Variants in COL11A1 observed in about 807,000 individuals in gnomAD.
COL11A1 encodes the protein collagen alpha-1(XI) chain.
COL11A1 carries 74 observed loss-of-function variants against 265.2 expected under a neutral mutation model. The ratio of observed to expected loss-of-function variants is 0.28; its 90% CI spans 0.23 to 0.34. COL11A1 has a LOEUF of 0.34. Ranked by LOEUF, COL11A1 falls within the 10% of genes least tolerant of loss-of-function variation. COL11A1 has a pLI of 1.00. For synonymous variants in COL11A1, 816 were observed against 727.6 expected, an observed-to-expected ratio of 1.12 and a Z score of -1.96; for missense variants, 2,165 against 2,263.6, an observed-to-expected ratio of 0.96 and a Z score of 0.88.
chr1:102,960,794 C>T (rs1168874783), intron 41 of COL11A1, among the ~76,000 whole-genome samples: 1 of 151,202 alleles, frequency 6.6e-6, no homozygotes, highest in African/African-American at 2.5e-5. Context: ...AGATGACTTG[C>T]TGGCTAGGAT....
intron 15 of COL11A1, among the ~76,000 whole-genome samples, chr1:103,006,849 A>G (rs12742440): frequency 0.022 from 3,292 of 152,204 alleles, 58 homozygotes; most frequent in Middle Eastern, 0.092. Flanking sequence ...TTAATTATAT[A>G]TGTAGACATG....
chr1:102,924,589 C>A (rs1038037554), intron 46 of COL11A1, among the ~76,000 whole-genome samples: 2 of 152,046 alleles, frequency 1.3e-5, no homozygotes, highest in African/African-American at 4.8e-5. Flanking sequence ...AGCAGAGGAG[C>A]AATCAAAAAT....
At chr1:102,967,284 A>C (rs1464706310) in intron 37 of COL11A1, among the ~76,000 whole-genome samples, 1 of 106,728 alleles carries the variant, frequency 9.4e-6, no homozygotes, top group African/African-American at 3.6e-5. Flanking sequence ...TCTGTCGCCC[A>C]GGCTGGAGTG....
In COL11A1 at chr1:102,910,736, G is replaced by A. The variant is rs191570142; in HGVS notation, c.4086+1423C>T. Among the ~76,000 whole-genome samples, 6 of 152,058 alleles carry A rather than the reference G, an allele frequency of 3.9e-5. No homozygotes were observed. In the East Asian group the frequency reaches 9.7e-4, roughly 25 times the overall value. The stretch of plus-strand genomic sequence containing the variant: ...AACCCAACACTAGGGTGGGTGTTAG[G>A]TCCTCTGAGAAACAGAAAATACACA... On this transcript the variant is annotated intron_variant, in intron 54 of 66. Transcript: ENST00000370096.
intron 41 of COL11A1, among the ~76,000 whole-genome samples, chr1:102,951,580 C>T (rs2101469443): frequency 6.6e-6 from 1 of 151,648 alleles, no homozygotes; most frequent in East Asian, 2.0e-4. Context: ...ACTAAAAACA[C>T]AAAAAATTAG....
intron 57 of COL11A1, among the ~76,000 whole-genome samples, chr1:102,893,472 C>A (rs1001376411): frequency 1.3e-5 from 2 of 151,974 alleles, no homozygotes; most frequent in Non-Finnish European, 2.9e-5. Context: ...CCCTTTGAAC[C>A]TGAAACAGAT....
chr1:103,081,671 T>C (rs1672423267), intron 2 of COL11A1, among the ~76,000 whole-genome samples: 1 of 151,900 alleles, frequency 6.6e-6, no homozygotes, highest in South Asian at 2.1e-4. Context: ...AATGTTTTAA[T>C]CCCTTGATTT....
At chr1:103,097,295 G>GT (rs879371185) in intron 1 of COL11A1, among the ~76,000 whole-genome samples, 1 of 151,786 alleles carries the variant, frequency 6.6e-6, no homozygotes, top group Non-Finnish European at 1.5e-5. Context: ...ACCATCTCAC[G>GT]TTTTATCCCC....
chr1:103,004,763 G>A, intron 18 of COL11A1, 102 bp from the exon 19 acceptor site: 1 of 1,017,506 alleles, frequency 9.8e-7, no homozygotes, highest in Non-Finnish European at 1.5e-6. Flanking sequence ...ACATTTGGCA[G>A]GGAAAATATA....
At chr1:102,949,940 C>T (rs1468580732) in intron 41 of COL11A1, among the ~76,000 whole-genome samples, 1 of 152,140 alleles carries the variant, frequency 6.6e-6, no homozygotes, top group African/African-American at 2.4e-5. Flanking sequence ...TCTCCTTTAT[C>T]CAAATAATCA....
At chr1:102,922,650 C>A (rs1353987287) in intron 47 of COL11A1, among the ~76,000 whole-genome samples, 2 of 152,168 alleles carry the variant, frequency 1.3e-5, no homozygotes, top group African/African-American at 2.4e-5. Flanking sequence ...CCGCCCGCCT[C>A]GGCCTCCCAA....
chr1:102,914,866 A>G, intron 50 of COL11A1, 55 bp from the exon 51 acceptor site: 2 of 1,416,740 alleles, frequency 1.4e-6, no homozygotes, highest in Non-Finnish European at 2.0e-6. Context: ...GTTATCTTAC[A>G]AGTTTTGCAT....
At chr1:102,988,137 T>C (rs80213083) in intron 29 of COL11A1, among the ~76,000 whole-genome samples, 1,847 of 152,216 alleles carry the variant, frequency 0.012, 46 homozygotes, top group African/African-American at 0.042. Flanking sequence ...GATTAGCCTT[T>C]TGAGATGTCT....
intron 28 of COL11A1, among the ~76,000 whole-genome samples, chr1:102,990,968 G>T (rs72985787): frequency 1.3e-3 from 192 of 152,246 alleles, no homozygotes; most frequent in African/African-American, 4.5e-3. Context: ...AGGAGGTAGA[G>T]GTTGCAGCGA....
At chr1:103,091,490 C>T (rs550302817) in intron 1 of COL11A1, among the ~76,000 whole-genome samples, 1 of 151,966 alleles carries the variant, frequency 6.6e-6, no homozygotes, top group Admixed American at 6.6e-5. Flanking sequence ...TCTTTGTAGT[C>T]AACACAAGTG....
At chr1:103,002,347 T>C (rs1382813378) in intron 23 of COL11A1, 81 bp downstream of exon 23, 24 of 1,198,398 alleles carry the variant, frequency 2.0e-5, no homozygotes, top group Non-Finnish European at 2.9e-5. Context: ...ACATAGAAAA[T>C]TGTGAGACTG....
chr1:103,015,663 C>T lies in COL11A1; in HGVS notation c.1488+5G>A, dbSNP rs1666503469. 4 of 1,600,160 alleles carry T rather than the reference C, an allele frequency of 2.5e-6. No homozygotes were observed. The highest frequency in any genetic ancestry group is 1.7e-5 in the Admixed American group (1 of 59,174). On this transcript the variant is annotated splice_donor_5th_base_variant and intron_variant, in intron 12 of 66. Transcript: ENST00000370096. ...GTCATCTCTATAACATAAAAAAGAA[C>T]ATACCGGTAACATCAACATAGTACC...
At chr1:102,992,260 G>C (rs1241757318) in intron 28 of COL11A1, among the ~76,000 whole-genome samples, 1 of 151,824 alleles carries the variant, frequency 6.6e-6, no homozygotes, top group African/African-American at 2.4e-5. Flanking sequence ...AAGATTTCTA[G>C]TATTAAAATT....
At chr1:102,955,083 T>C (rs1417236576) in intron 41 of COL11A1, among the ~76,000 whole-genome samples, 2 of 152,192 alleles carry the variant, frequency 1.3e-5, no homozygotes, top group Non-Finnish European at 1.5e-5. Flanking sequence ...GATGTAATCA[T>C]AGTCCACTAA....
Sources: gnomAD v4.1 joint callset for allele counts (sites outside exome capture counted in the v4.1 genomes callset) on GRCh38, gnomAD v4.1.1 for gene constraint, MANE v1.5 for transcripts, NCBI Gene and HGNC (gene_info 2026-07-23, HGNC 2026-07-21) for gene names.